PSIP1: variants seen among roughly 807,000 people sequenced by gnomAD.
PSIP1 encodes the protein PC4 and SRSF1 interacting protein 1.
In PSIP1, 19 loss-of-function variants were observed where a neutral mutation model predicts 74.7. The observed-to-expected ratio is 0.25, with a 90% CI of 0.18 to 0.37. The LOEUF (loss-of-function observed/expected upper bound fraction) is 0.37. Among genes scored for constraint, PSIP1 ranks in the 10% least tolerant of loss-of-function variants. The pLI is 1.00. For synonymous variants in PSIP1, 222 were observed against 195.3 expected (o/e 1.14, Z -1.14); for missense variants, 601 against 614.3 (o/e 0.98, Z 0.23).
intron 6 of PSIP1, among the ~76,000 whole-genome samples, chr9:15,484,114 A>T (rs965297989): frequency 9.3e-5 from 14 of 150,154 alleles, no homozygotes; most frequent in African/African-American, 3.4e-4. Flanking sequence ...TCTGGGTGAC[A>T]GAATGAAACT....
chr9:15,490,235 A>T (rs1359329529), intron 3 of PSIP1, 111 bp from the exon 4 acceptor site: 12 of 1,016,946 alleles, frequency 1.2e-5, no homozygotes, highest in Non-Finnish European at 1.6e-5. Flanking sequence ...AAACTGCATT[A>T]CAAATCTTAA....
chr9:15,471,355 AAC>A (rs771511976), intron 10 of PSIP1: 12 of 1,562,964 alleles, frequency 7.7e-6, no homozygotes, highest in East Asian at 4.5e-5. Context: ...AAGGAAAGAA[AAC>A]ACAAATATTA....
intron 3 of PSIP1, chr9:15,505,500 C>CA (rs1167190174): frequency 1.3e-5 from 2 of 152,028 alleles, no homozygotes; most frequent in African/African-American, 4.8e-5. Flanking sequence ...ATTCTGGATC[C>CA]AAAGTTGTAT....
intron 14 of PSIP1, among the ~76,000 whole-genome samples, chr9:15,468,026 A>G (rs551568174): frequency 1.3e-5 from 2 of 150,742 alleles, no homozygotes; most frequent in African/African-American, 5.0e-5. Context: ...AGGTTGAGGC[A>G]GGAGAATCGC....
intron 8 of PSIP1, among the ~76,000 whole-genome samples, chr9:15,478,244 A>C (rs947310106): frequency 1.3e-5 from 2 of 152,006 alleles, no homozygotes; most frequent in Non-Finnish European, 2.9e-5. Context: ...GTATTATCTA[A>C]GTATCTATAT....
chr9:15,488,835 C>T (rs916619318), intron 4 of PSIP1, among the ~76,000 whole-genome samples: 5 of 152,108 alleles, frequency 3.3e-5, no homozygotes, highest in South Asian at 4.1e-4. Flanking sequence ...TCCTGGCTAA[C>T]ACGGTGAAAC....
chr9:15,469,813 T>G, intron 11 of PSIP1, 125 bp downstream of exon 11: 1 of 773,916 alleles, frequency 1.3e-6, no homozygotes, highest in Non-Finnish European at 2.0e-6. Context: ...CATTAGGGAT[T>G]TGAAAAATTC....
At chr9:15,494,466 G>A (rs2036977824) in intron 3 of PSIP1, among the ~76,000 whole-genome samples, 1 of 148,546 alleles carries the variant, frequency 6.7e-6, no homozygotes, top group South Asian at 2.2e-4. Context: ...TTGGGAGGCT[G>A]AGGCAATAGA....
At chr9:15,501,730 C>A (rs1437201101) in intron 3 of PSIP1, among the ~76,000 whole-genome samples, 22 of 151,568 alleles carry the variant, frequency 1.5e-4, no homozygotes, top group African/African-American at 5.1e-4. Flanking sequence ...ATATAAAGAT[C>A]TCTTTGACTA....
chr9:15,477,340 TGTG>T (rs2036133584), intron 8 of PSIP1, among the ~76,000 whole-genome samples: 1 of 152,230 alleles, frequency 6.6e-6, no homozygotes, highest in Non-Finnish European at 1.5e-5. Context: ...ATTTTTATTT[TGTG>T]GTGAGAACCC....
chr9:15,470,267 G>C (rs1011302433), intron 10 of PSIP1, among the ~76,000 whole-genome samples: 2 of 152,076 alleles, frequency 1.3e-5, no homozygotes, highest in Admixed American at 6.6e-5. Context: ...TGGACAAACA[G>C]GCCACAATGG....
At chr9:15,470,934 T>TAAAAAAAAA (rs58019501) in intron 10 of PSIP1, 8 of 650,856 alleles carry the variant, frequency 1.2e-5, no homozygotes, top group African/African-American at 7.6e-5. Context: ...TAAGCTTGGT[T>TAAAAAAAAA]AAAAAAAAAA....
intron 8 of PSIP1, among the ~76,000 whole-genome samples, chr9:15,476,672 A>C (rs964604998): frequency 6.6e-6 from 1 of 152,218 alleles, no homozygotes; most frequent in African/African-American, 2.4e-5. Flanking sequence ...CTATAAACTC[A>C]AAGTATCTGT....
chr9:15,466,719 C>T, intron 15 of PSIP1, 29 bp downstream of exon 15: 1 of 1,540,050 alleles, frequency 6.5e-7, no homozygotes, highest in Non-Finnish European at 8.9e-7. Context: ...ATAAAAAACA[C>T]ACAAGACCCA....
At chr9:15,482,062 T>C (rs2036360183) in intron 6 of PSIP1, among the ~76,000 whole-genome samples, 1 of 152,110 alleles carries the variant, frequency 6.6e-6, no homozygotes, top group African/African-American at 2.4e-5. Flanking sequence ...AACCCTCATT[T>C]TCTCTTCATT....
intron 3 of PSIP1, among the ~76,000 whole-genome samples, chr9:15,495,526 T>A (rs576652431): frequency 1.3e-5 from 2 of 152,144 alleles, no homozygotes; most frequent in Non-Finnish European, 2.9e-5. Flanking sequence ...CTTAAAACAT[T>A]AGGAACACTG....
intron 6 of PSIP1, 196 bp downstream of exon 6, chr9:15,485,810 T>TC (rs2036535210): frequency 4.6e-6 from 2 of 436,422 alleles, no homozygotes; most frequent in Non-Finnish European, 8.1e-6. Flanking sequence ...CCTTTACCAC[T>TC]CAAGTTACTT....
chr9:15,495,866 C>T (rs564918700), intron 3 of PSIP1, among the ~76,000 whole-genome samples: 1 of 152,214 alleles, frequency 6.6e-6, no homozygotes, highest in Admixed American at 6.5e-5. Flanking sequence ...GTCTCTCCAA[C>T]TGCAAACCAT....
At chr9:15,496,197 T>C (rs553864448) in intron 3 of PSIP1, among the ~76,000 whole-genome samples, 37 of 152,350 alleles carry the variant, frequency 2.4e-4, no homozygotes, top group Admixed American at 1.6e-3. Context: ...AATTAGTTAA[T>C]ATGGCAGGGT....
Sources: gnomAD v4.1 joint callset for allele counts (sites outside exome capture counted in the v4.1 genomes callset) on GRCh38, gnomAD v4.1.1 for gene constraint, MANE v1.5 for transcripts, NCBI Gene and HGNC (gene_info 2026-07-23, HGNC 2026-07-21) for gene names.